The following MYO10 variants were observed in gnomAD, a reference collection of about 807,000 sequenced individuals.
MYO10 encodes the protein myosin X, also known as unconventional myosin-X.
MYO10 carries 133 observed loss-of-function variants against 257.3 expected under a neutral mutation model. That is an observed-to-expected ratio of 0.52 (90% CI 0.45 to 0.60). MYO10 has a LOEUF of 0.60. Among genes scored for constraint, MYO10 ranks in the 20% least tolerant of loss-of-function variants. The pLI, the probability that MYO10 is intolerant of heterozygous loss-of-function variation, is 0.00. For synonymous variants in MYO10, 1,104 were observed against 1,028.6 expected (o/e 1.07, Z -1.40); for missense variants, 2,399 against 2,635.7 (o/e 0.91, Z 1.97).
chr5:16,681,440 C>T lies in MYO10; in HGVS notation c.4253G>A (p.Trp1418Ter). Residue 1418 changes from tryptophan (W) to a stop codon, truncating the protein, a stop_gained, in exon 32 of 41, where the codon TGG becomes TAG. Transcript: ENST00000513610. LOFTEE classifies it high-confidence loss of function. ...CAGGGAATTGTGGGTGAGTACAAACCACCGTTTCTTCAGTTTCAGTGAAGA... is the reference window on the plus strand; with the variant it reads ...CAGGGAATTGTGGGTGAGTACAAACTACCGTTTCTTCAGTTTCAGTGAAGA... The part of the protein sequence containing the change: ...KMSSLKLKKR[W>*]FVLTHNSLDY... The T allele has an allele frequency of 1.2e-6, 2 of 1,613,914 alleles. No homozygotes were observed. Among genetic ancestry groups the T allele is most frequent in the Non-Finnish European group, 1.7e-6 (2 of 1,179,872 alleles).
intron 2 of MYO10, among the ~76,000 whole-genome samples, chr5:16,841,006 G>A (rs974166372): frequency 7.9e-5 from 12 of 151,988 alleles, no homozygotes; most frequent in South Asian, 6.3e-4. Context: ...TTAGCCGGGC[G>A]TGGTGGCAGG....
At chr5:16,848,151 A>ATTTTTTTTTTTTTTTT (rs1561016484) in intron 2 of MYO10, among the ~76,000 whole-genome samples, 3 of 91,664 alleles carry the variant, frequency 3.3e-5, no homozygotes, top group African/African-American at 1.8e-4. Context: ...AGAACTACAC[A>ATTTTTTTTTTTTTTTT]TTTCTTTTTT....
chr5:16,694,752 T>C, intron 26 of MYO10, 138 bp from the exon 27 acceptor site: 2 of 1,136,758 alleles, frequency 1.8e-6, no homozygotes, highest in East Asian at 4.7e-5. Flanking sequence ...GACCCCTCAG[T>C]GAGGAGTGGC....
intron 2 of MYO10, among the ~76,000 whole-genome samples, chr5:16,865,984 G>T: frequency 7.1e-6 from 1 of 141,684 alleles, no homozygotes; most frequent in African/African-American, 2.7e-5. Flanking sequence ...AAAATTAAAT[G>T]GTAAGTTTTA....
At chr5:16,709,525 C>T (rs1033928558) in intron 21 of MYO10, among the ~76,000 whole-genome samples, 2 of 152,106 alleles carry the variant, frequency 1.3e-5, no homozygotes, top group Non-Finnish European at 2.9e-5. Flanking sequence ...CTAGGAGCTG[C>T]GAGTGGTTCC....
chr5:16,736,585 G>A (rs1287103492), intron 19 of MYO10, among the ~76,000 whole-genome samples: 1 of 152,076 alleles, frequency 6.6e-6, no homozygotes, highest in Admixed American at 6.6e-5. Context: ...TCCCTAATTC[G>A]CAAGGTACCT....
At position 16,701,464 on chromosome 5, in the gene MYO10, C is replaced by T; in HGVS notation, c.2931G>A (p.Glu977=). Residue 977 remains glutamate (E), a synonymous_variant, in exon 25 of 41, where the codon GAG becomes GAA. Transcript: ENST00000513610. This position sits in a 1 kb window ranked among gnomAD's most constrained non-coding sequence, Gnocchi z 8.1. ...GGCTGAAGTTGAAGTTGGGCTTCTC[C>T]TCGCATGCGCTCTCAGCCAGCTCGC... ...FSSELAESAC[E]EKPNFNFSQP... 1 of 1,613,980 alleles carries T rather than the reference C, an allele frequency of 6.2e-7. No individual in the cohort carries two copies. Among genetic ancestry groups the T allele is most frequent in the Non-Finnish European group, 8.5e-7 (1 of 1,179,898 alleles).
chr5:16,845,670 T>G (rs34055160), intron 2 of MYO10, among the ~76,000 whole-genome samples: 26,340 of 151,920 alleles, frequency 0.17, 2,472 homozygotes, highest in East Asian at 0.27. Flanking sequence ...AACACATCTT[T>G]AAAGATGAAA....
At chr5:16,678,819 C>T (rs1736852188) in intron 33 of MYO10, among the ~76,000 whole-genome samples, 1 of 152,220 alleles carries the variant, frequency 6.6e-6, no homozygotes, top group Non-Finnish European at 1.5e-5. Flanking sequence ...CATTCTAGCA[C>T]CTTCTCTGTC....
At chr5:16,751,368 G>A (rs1444246704) in intron 19 of MYO10, among the ~76,000 whole-genome samples, 2 of 152,104 alleles carry the variant, frequency 1.3e-5, no homozygotes, top group African/African-American at 4.8e-5. Flanking sequence ...AATGCTAATC[G>A]AGCCATAGCT....
chr5:16,678,635 A>G (rs755940768), intron 33 of MYO10, among the ~76,000 whole-genome samples: 1 of 152,188 alleles, frequency 6.6e-6, no homozygotes, highest in African/African-American at 2.4e-5. Flanking sequence ...CTAAACACCT[A>G]AACACCCAGA....
At chr5:16,758,083 C>T (rs753977566) in intron 18 of MYO10, 35 bp downstream of exon 18, 21 of 1,445,768 alleles carry the variant, frequency 1.5e-5, no homozygotes, top group African/African-American at 5.6e-5. Flanking sequence ...AATACAGTAA[C>T]GACGGATTCC....
intron 1 of MYO10, among the ~76,000 whole-genome samples, chr5:16,891,365 A>AG (rs779309127): frequency 1.2e-5 from 1 of 83,994 alleles, no homozygotes; most frequent in Non-Finnish European, 2.4e-5. Context: ...GGAAGGAAGG[A>AG]AGGAAGGAAG....
chr5:16,695,202 T>G (rs1050026904), intron 26 of MYO10, among the ~76,000 whole-genome samples: 4 of 152,026 alleles, frequency 2.6e-5, no homozygotes, highest in Non-Finnish European at 5.9e-5. Context: ...GGTATGGTGG[T>G]GCGTGCCTGT....
intron 19 of MYO10, among the ~76,000 whole-genome samples, chr5:16,721,634 T>C (rs73051073): frequency 0.038 from 5,711 of 152,178 alleles, 376 homozygotes; most frequent in African/African-American, 0.13. Context: ...GGAGGTCAGA[T>C]TGTAGGGTCT....
chr5:16,909,013 C>A (rs1196752781), intron 1 of MYO10, among the ~76,000 whole-genome samples: 1 of 152,154 alleles, frequency 6.6e-6, no homozygotes, highest in East Asian at 1.9e-4. Context: ...ATGTCTTGGA[C>A]ATTGTATTAG....
chr5:16,922,886 C>T (rs2126802119), intron 1 of MYO10, among the ~76,000 whole-genome samples: 1 of 152,160 alleles, frequency 6.6e-6, no homozygotes, highest in South Asian at 2.1e-4. Flanking sequence ...TGAAAATTAG[C>T]CGGGCGAGGT....
chr5:16,907,131 G>A (rs536598885), intron 1 of MYO10, among the ~76,000 whole-genome samples: 1 of 152,052 alleles, frequency 6.6e-6, no homozygotes, highest in South Asian at 2.1e-4. Context: ...AGAAAAGAAA[G>A]AAAGAAAGAA....
At chr5:16,813,357 A>T (rs1322781033) in intron 3 of MYO10, among the ~76,000 whole-genome samples, 2 of 152,094 alleles carry the variant, frequency 1.3e-5, no homozygotes, top group Admixed American at 1.3e-4. Context: ...TTATAAATTT[A>T]AAAAAATTAA....
Sources: allele counts gnomAD v4.1 joint callset (sites outside exome capture counted in the v4.1 genomes callset), GRCh38; gene constraint gnomAD v4.1.1; non-coding constraint Gnocchi (gnomAD v3.1); transcripts MANE v1.5; gene names NCBI Gene and HGNC (gene_info 2026-07-23, HGNC 2026-07-21).